Variants in GPR55 observed in about 807,000 individuals in gnomAD.
GPR55 encodes the protein G-protein coupled receptor 55.
A neutral mutation model predicts 7.9 loss-of-function variants in GPR55; 6 were observed. The observed-to-expected ratio is 0.76, with a 90% CI of 0.41 to 1.49. The LOEUF (loss-of-function observed/expected upper bound fraction) is 1.49, where lower values mean the gene tolerates loss of function less well. Ranked by LOEUF, GPR55 falls within the 40% of genes most tolerant of loss-of-function variation. The pLI is 0.01. For synonymous variants in GPR55, 183 were observed against 166.8 expected, an observed-to-expected ratio of 1.10 and a Z score of -0.75; for missense variants, 376 against 406.0, an observed-to-expected ratio of 0.93 and a Z score of 0.63.
At chr2:230,916,780 T>A (rs768368119) in intron 1 of GPR55, among the ~76,000 whole-genome samples, 1 of 152,096 alleles carries the variant, frequency 6.6e-6, no homozygotes, top group African/African-American at 2.4e-5. Flanking sequence ...AAAAATATGA[T>A]GTCTACCTTC....
chr2:230,938,479 T>C (rs1199185022), intron 1 of GPR55, among the ~76,000 whole-genome samples: 1 of 152,098 alleles, frequency 6.6e-6, no homozygotes, highest in African/African-American at 2.4e-5. Context: ...TTCTGTGAGA[T>C]GGTTTTAACA....
At chr2:230,926,739 C>G (rs1285371726), upstream of GPR55, among the ~76,000 whole-genome samples, 3 of 138,398 alleles carry the variant, frequency 2.2e-5, no homozygotes, top group Non-Finnish European at 4.5e-5. Flanking sequence ...GCCCAGGCTG[C>G]AGTGCAGTGG....
Position 230,915,209 on chromosome 2 carries a change from T to C in GPR55, c.-134-4113A>G, listed in dbSNP as rs186438854. On this transcript the variant is annotated intron_variant, in intron 1 of 1. Coordinates refer to ENST00000650999, the MANE Select transcript of GPR55 (RefSeq NM_005683.4). ...CTGCACTGACTGTGGTCAGGGACCC[T>C]GGGAGTGGGTTCTCTGGAATTCCGG... 5.9e-5 allele frequency among the ~76,000 whole-genome samples: 9 copies of C among 152,320 alleles called. No individual in the cohort carries two copies. The East Asian group carries it at 1.7e-3, about 29-fold the overall frequency.
rs140737679 is a variant in GPR55, at chr2:230,933,628, G to A, written c.-134-22532C>T. ...CTCAGTCCCCTTAGGCTTTCAGAGC[G>A]GCCATAGAGGTGGTGGCTGGACTCA... On this transcript the variant is annotated intron_variant, in intron 1 of 1. Coordinates refer to the GPR55 transcript ENST00000392039. 4.9e-3 allele frequency among the ~76,000 whole-genome samples: 744 copies of A among 152,336 alleles called. 4 individuals are homozygous for A. The highest frequency in any genetic ancestry group is 0.016 in the African/African-American group (655 of 41,578).
chr2:230,934,548 T>A (rs1691103164), intron 1 of GPR55, among the ~76,000 whole-genome samples: 1 of 152,140 alleles, frequency 6.6e-6, no homozygotes, highest in South Asian at 2.1e-4. Context: ...CCAGCCCAAG[T>A]GCTTAGCAAA....
chr2:230,931,655 G>A (rs866689063), intron 1 of GPR55, among the ~76,000 whole-genome samples: 20 of 152,068 alleles, frequency 1.3e-4, no homozygotes, highest in Admixed American at 3.9e-4. Flanking sequence ...CACAGGCCCC[G>A]ACCGCTGCAC....
upstream of GPR55, among the ~76,000 whole-genome samples, chr2:230,927,649 T>TG (rs1330619441): frequency 6.6e-6 from 1 of 152,042 alleles, no homozygotes; most frequent in African/African-American, 2.4e-5. Context: ...AGCCCCGAGT[T>TG]GGGGGGTTTG....
chr2:230,938,412 AAC>A (rs1559177079), intron 1 of GPR55, among the ~76,000 whole-genome samples: 1 of 151,178 alleles, frequency 6.6e-6, no homozygotes, highest in African/African-American at 2.4e-5. Flanking sequence ...AAAAAAAAAA[AAC>A]AAAGAAAGAA....
Position 230,910,996 on chromosome 2 carries a change from G to T in GPR55, c.-34C>A. The T allele has an allele frequency of 6.4e-7, 1 of 1,560,768 alleles. No homozygotes were observed. The highest frequency in any genetic ancestry group is 8.7e-7 in the Non-Finnish European group (1 of 1,149,058). On this transcript the variant is annotated 5_prime_UTR_variant, in exon 2 of 2. Coordinates refer to ENST00000650999, the MANE Select transcript of GPR55 (RefSeq NM_005683.4). This position sits in a 1 kb window ranked among gnomAD's most constrained non-coding sequence, Gnocchi z 5.4. Reference sequence around the variant, plus strand: ...CTACAACACCAACAGATCAGACGGGGCTCCTTTCACTCTCTTGAAGTGATG... The same window carrying T: ...CTACAACACCAACAGATCAGACGGGTCTCCTTTCACTCTCTTGAAGTGATG...
At position 230,923,847 on chromosome 2, in the gene GPR55, C is replaced by T. The variant is rs1481894206; in HGVS notation, c.-135+1321G>A. Among the ~76,000 whole-genome samples the T allele has an allele frequency of 6.6e-6, 1 of 152,122 alleles. No individual in the cohort carries two copies. Among genetic ancestry groups the T allele is most frequent in the Non-Finnish European group, 1.5e-5 (1 of 68,014 alleles). Reference sequence around the variant, plus strand: ...GTCTCTCCTCCTCGCTCACCCTGGCCCCCATCAGCATCACAAGCAAGAGCA... The same window carrying T: ...GTCTCTCCTCCTCGCTCACCCTGGCTCCCATCAGCATCACAAGCAAGAGCA... On this transcript the variant is annotated intron_variant, in intron 1 of 1. Transcript: ENST00000650999. The surrounding 1 kb of genome is among the most constrained non-coding windows in gnomAD (Gnocchi z 4.1).
chr2:230,951,752 TG>T lies in GPR55; in HGVS notation c.-135+9022del, dbSNP rs369993760. Among the ~76,000 whole-genome samples the T allele has an allele frequency of 6.8e-3, 674 of 99,080 alleles. 4 individuals carry two copies. The highest frequency in any genetic ancestry group is 0.042 in the African/African-American group (594 of 14,212). 65.0% of individuals were successfully genotyped at this position (99,080 alleles called of 152,430 possible). A position where few individuals can be genotyped will look rare whatever the true frequency, so the allele number is the denominator to read the frequency against. ...ACATTTGTGGGTTTTTTGTTGTTAT[TG>T]GGGTTTTTTTTTTTTTTTTTTGTGA... is the stretch of plus-strand genomic sequence containing the variant. On this transcript the variant is annotated intron_variant, in intron 1 of 1. Transcript: ENST00000392039.
At chr2:230,942,405 A>G (rs888376657) in intron 1 of GPR55, among the ~76,000 whole-genome samples, 1 of 151,960 alleles carries the variant, frequency 6.6e-6, no homozygotes. Flanking sequence ...TCCCAGACCA[A>G]CCCCACAAGG....
In GPR55 at chr2:230,910,630, G is replaced by A. The variant is rs1215158122; in HGVS notation, c.333C>T (p.Thr111=). ...YFVSMYGSVF[T]ICFISMDRFL... is the part of the protein sequence containing the mutation. ...ACCGGTCCATGCTGATGAAGCAGAT[G>A]GTGAAGACGCTTCCGTACATGCTGA... is the stretch of plus-strand genomic sequence containing the variant. The change falls in exon 2 of 2, where the codon ACC becomes ACT. Residue 111 remains threonine, a synonymous_variant. Transcript: ENST00000650999. This position sits in a 1 kb window ranked among gnomAD's most constrained non-coding sequence, Gnocchi z 5.4. 6.2e-6 allele frequency: 10 copies of A among 1,613,802 alleles called. No individual in the cohort carries two copies. Among genetic ancestry groups the A allele is most frequent in the Non-Finnish European group, 7.6e-6 (9 of 1,179,952 alleles).
upstream of GPR55, chr2:230,961,083 C>T (rs1353564698): frequency 6.6e-6 from 1 of 152,234 alleles, no homozygotes; most frequent in Non-Finnish European, 1.5e-5. Context: ...CTTAAGTGTT[C>T]TCATCAAAGG....
intron 1 of GPR55, among the ~76,000 whole-genome samples, chr2:230,938,872 T>A (rs1212111014): frequency 1.3e-5 from 2 of 152,194 alleles, no homozygotes; most frequent in Non-Finnish European, 2.9e-5. Flanking sequence ...TAGCTGCATC[T>A]CTTCTGGGTC....
chr2:230,959,141 G>A (rs957495701), intron 1 of GPR55, among the ~76,000 whole-genome samples: 4 of 152,168 alleles, frequency 2.6e-5, no homozygotes, highest in Admixed American at 2.6e-4. Context: ...TGTTGCCAGT[G>A]TTGTGGTTTA....
chr2:230,935,870 C>T (rs1691124216), intron 1 of GPR55, among the ~76,000 whole-genome samples: 1 of 152,160 alleles, frequency 6.6e-6, no homozygotes, highest in Non-Finnish European at 1.5e-5. Context: ...TGAGCATTTT[C>T]CTTGAGTGCA....
At chr2:230,940,660 G>C (rs1316160508) in intron 1 of GPR55, among the ~76,000 whole-genome samples, 1 of 152,206 alleles carries the variant, frequency 6.6e-6, no homozygotes, top group Non-Finnish European at 1.5e-5. Context: ...CTGCCTCCCT[G>C]GGGGCCCATG....
At chr2:230,959,341 A>C (rs1691534285) in intron 1 of GPR55, among the ~76,000 whole-genome samples, 1 of 152,100 alleles carries the variant, frequency 6.6e-6, no homozygotes, top group Non-Finnish European at 1.5e-5. Context: ...CCAGCTACTC[A>C]GGAGGCTGAG....
Sources: gnomAD v4.1 joint callset for allele counts (sites outside exome capture counted in the v4.1 genomes callset) on GRCh38, gnomAD v4.1.1 for gene constraint, Gnocchi (gnomAD v3.1) non-coding constraint, MANE v1.5 for transcripts, NCBI Gene and HGNC (gene_info 2026-07-23, HGNC 2026-07-21) for gene names.